Variants in SOX5 observed in about 807,000 individuals in gnomAD.
The protein encoded by SOX5 is SRY-box transcription factor 5.
SOX5 carries 9 observed loss-of-function variants against 92.0 expected under a neutral mutation model. The observed-to-expected ratio is 0.10, with a 90% CI of 0.06 to 0.17. The LOEUF (loss-of-function observed/expected upper bound fraction) is 0.17. SOX5 is among the 10% of genes least tolerant of loss of function. The probability of loss-of-function intolerance (pLI) is 1.00; values close to 1 mark genes in which losing one functional copy is unlikely to be tolerated. For missense variants in SOX5, 642 were observed against 944.5 expected (o/e 0.68, Z 4.20); for synonymous variants, 344 against 336.3 (o/e 1.02, Z -0.25).
chr12:24,016,283 A>G (rs1953589662), intron 4 of SOX5, among the ~76,000 whole-genome samples: 1 of 152,206 alleles, frequency 6.6e-6, no homozygotes, highest in Non-Finnish European at 1.5e-5. Flanking sequence ...ATCAACAAGA[A>G]TCATTCATAA....
intron 4 of SOX5, among the ~76,000 whole-genome samples, chr12:24,039,583 T>C (rs940593475): frequency 1.3e-5 from 2 of 152,214 alleles, no homozygotes; most frequent in African/African-American, 4.8e-5. Flanking sequence ...GAAACATATA[T>C]ACCTGAGGTA....
At chr12:24,470,167 T>G (rs879593114) in intron 1 of SOX5, among the ~76,000 whole-genome samples, 1 of 152,174 alleles carries the variant, frequency 6.6e-6, no homozygotes, top group African/African-American at 2.4e-5. Context: ...CTGAGTGCCA[T>G]TTATTACTTT....
At chr12:24,253,726 A>C (rs1352973198) in intron 3 of SOX5, among the ~76,000 whole-genome samples, 2 of 151,616 alleles carry the variant, frequency 1.3e-5, no homozygotes, top group Non-Finnish European at 2.9e-5. Context: ...CCATCTCATA[A>C]AACCTTGAAA....
chr12:24,353,396 A>G (rs911918427), intron 2 of SOX5, among the ~76,000 whole-genome samples: 1 of 152,144 alleles, frequency 6.6e-6, no homozygotes, highest in African/African-American at 2.4e-5. Context: ...ACTTTTTTCA[A>G]GAGTGAAGCA....
intron 1 of SOX5, among the ~76,000 whole-genome samples, chr12:24,518,934 C>T (rs1474954291): frequency 6.6e-6 from 1 of 152,032 alleles, no homozygotes; most frequent in Non-Finnish European, 1.5e-5. Context: ...ATAATTCTTT[C>T]GTGTGTTTTC....
intron 2 of SOX5, among the ~76,000 whole-genome samples, chr12:23,877,544 G>A (rs943565089): frequency 1.3e-5 from 2 of 151,950 alleles, no homozygotes; most frequent in Admixed American, 6.6e-5. Flanking sequence ...TATTCAATGC[G>A]ATATTACTTC....
At chr12:24,135,342 A>C (rs998810607) in intron 4 of SOX5, among the ~76,000 whole-genome samples, 2 of 152,104 alleles carry the variant, frequency 1.3e-5, no homozygotes, top group Admixed American at 6.5e-5. Flanking sequence ...ACCTAACACA[A>C]GTTGCTCTCT....
At chr12:24,168,826 C>T (rs982938149) in intron 4 of SOX5, among the ~76,000 whole-genome samples, 5 of 152,114 alleles carry the variant, frequency 3.3e-5, no homozygotes, top group Non-Finnish European at 5.9e-5. Context: ...GTGCATGTGC[C>T]TGTAGGTCAA....
chr12:24,188,699 T>C (rs895912523), intron 4 of SOX5, among the ~76,000 whole-genome samples: 5 of 152,146 alleles, frequency 3.3e-5, no homozygotes, highest in African/African-American at 7.2e-5. Flanking sequence ...ATCAGACTTA[T>C]AAGTTTAGAT....
intron 1 of SOX5, among the ~76,000 whole-genome samples, chr12:23,926,344 T>C (rs1479151302): frequency 6.6e-6 from 1 of 152,042 alleles, no homozygotes; most frequent in Admixed American, 6.6e-5. Context: ...GTAATATATG[T>C]AGTAGGAAGG....
Position 24,049,638 on chromosome 12 carries a change from GTTTTTTTTTTTTT to G in SOX5, c.-1-153627_-1-153615del, listed in dbSNP as rs527647441. On this transcript the variant is annotated intron_variant, in intron 4 of 4. Transcript: ENST00000446891. The stretch of plus-strand genomic sequence containing the variant: ...TGTTGATATTTTCCAATCCTTCATA[GTTTTTTTTTTTTT>G]TTTTTTTTTTTTTTTTTTTTTGGAG... 4.7e-4 allele frequency among the ~76,000 whole-genome samples: 35 copies of G among 73,776 alleles called. 1 individual carries two copies. The highest frequency in any genetic ancestry group is 1.5e-3 in the African/African-American group (25 of 16,854). The allele number at this position is 73,776 out of a possible 152,430, so 48.4% of individuals were successfully genotyped here. A position where few individuals can be genotyped will look rare whatever the true frequency, so the allele number is the denominator to read the frequency against.
intron 4 of SOX5, among the ~76,000 whole-genome samples, chr12:24,022,802 A>G (rs375196325): frequency 3.3e-5 from 5 of 152,104 alleles, no homozygotes; most frequent in African/African-American, 1.2e-4. Flanking sequence ...GCATTTAAGT[A>G]TATTGTTTGA....
chr12:23,631,761 T>TG (rs1377792256), intron 8 of SOX5, among the ~76,000 whole-genome samples: 1 of 152,136 alleles, frequency 6.6e-6, no homozygotes, highest in Non-Finnish European at 1.5e-5. Flanking sequence ...ATGAATACTT[T>TG]GGAAAAACAC....
chr12:23,831,044 C>A (rs2096308600), intron 3 of SOX5, among the ~76,000 whole-genome samples: 1 of 151,968 alleles, frequency 6.6e-6, no homozygotes, highest in Admixed American at 6.6e-5. Context: ...CTAATAATAC[C>A]TTCTTTAGCA....
At chr12:23,673,952 G>A (rs989317037) in intron 6 of SOX5, among the ~76,000 whole-genome samples, 11 of 151,966 alleles carry the variant, frequency 7.2e-5, no homozygotes, top group Non-Finnish European at 1.6e-4. Context: ...ACCATAGCAA[G>A]TAAAAAACAA....
chr12:23,857,704 G>C (rs912405968), intron 2 of SOX5, among the ~76,000 whole-genome samples: 2 of 151,814 alleles, frequency 1.3e-5, no homozygotes, highest in Admixed American at 6.6e-5. Flanking sequence ...TGTGATAATC[G>C]ATGACAGTGT....
chr12:24,058,343 A>G (rs1938988168), intron 4 of SOX5, among the ~76,000 whole-genome samples: 2 of 152,254 alleles, frequency 1.3e-5, no homozygotes, highest in South Asian at 2.1e-4. Flanking sequence ...ACACAATGCT[A>G]CTATTTACAA....
chr12:23,563,117 G>C (rs1193276514), intron 11 of SOX5, 141 bp downstream of exon 11: 1 of 644,578 alleles, frequency 1.6e-6, no homozygotes, highest in Non-Finnish European at 2.6e-6. Flanking sequence ...ATGGCGATGA[G>C]GCCTTCTATA....
At chr12:24,286,427 C>G (rs937809020) in intron 2 of SOX5, among the ~76,000 whole-genome samples, 1 of 152,138 alleles carries the variant, frequency 6.6e-6, no homozygotes, top group African/African-American at 2.4e-5. Flanking sequence ...AATTCAAGAG[C>G]TTGGGAGGGC....
Sources: gnomAD v4.1 joint callset for allele counts (sites outside exome capture counted in the v4.1 genomes callset) on GRCh38, gnomAD v4.1.1 for gene constraint, MANE v1.5 for transcripts, NCBI Gene and HGNC (gene_info 2026-07-23, HGNC 2026-07-21) for gene names.